Variants in SOX5 observed in about 807,000 individuals in gnomAD.
The protein encoded by SOX5 is transcription factor SOX-5.
Under a neutral mutation model 92.0 loss-of-function variants are expected in SOX5, and 9 were observed. The observed-to-expected ratio is 0.10, with a 90% CI of 0.06 to 0.17. The LOEUF is 0.17. Ranked by LOEUF, SOX5 falls within the 10% of genes least tolerant of loss-of-function variation. The pLI, the probability that SOX5 is intolerant of heterozygous loss-of-function variation, is 1.00. For missense variants in SOX5, 642 were observed against 944.5 expected (o/e 0.68, Z 4.20); for synonymous variants, 344 against 336.3 (o/e 1.02, Z -0.25).
intron 8 of SOX5, among the ~76,000 whole-genome samples, chr12:23,633,750 A>C (rs925024339): frequency 1.3e-4 from 20 of 152,262 alleles, no homozygotes; most frequent in African/African-American, 4.3e-4. Flanking sequence ...TATTGGCAGA[A>C]TAAGCCATGA....
chr12:24,338,035 T>A (rs1487735200), intron 2 of SOX5, among the ~76,000 whole-genome samples: 1 of 152,156 alleles, frequency 6.6e-6, no homozygotes, highest in African/African-American at 2.4e-5. Flanking sequence ...TTAAAATCAT[T>A]CAAGAAATGT....
chr12:24,211,165 T>TC (rs1958568173), intron 4 of SOX5, among the ~76,000 whole-genome samples: 1 of 152,206 alleles, frequency 6.6e-6, no homozygotes, highest in South Asian at 2.1e-4. Flanking sequence ...AATGTACCTC[T>TC]CTTCCCCCAC....
intron 4 of SOX5, among the ~76,000 whole-genome samples, chr12:24,114,846 G>A (rs1390279977): frequency 6.6e-6 from 1 of 151,892 alleles, no homozygotes; most frequent in Non-Finnish European, 1.5e-5. Flanking sequence ...TGGGGTGCGG[G>A]GATCCCTTGA....
intron 11 of SOX5, among the ~76,000 whole-genome samples, chr12:23,554,450 C>G (rs1321111625): frequency 6.6e-6 from 1 of 152,098 alleles, no homozygotes; most frequent in South Asian, 2.1e-4. Flanking sequence ...GGAATTCCCT[C>G]TCCATATTCC....
At chr12:24,416,029 G>C (rs1964957309) in intron 1 of SOX5, among the ~76,000 whole-genome samples, 1 of 152,196 alleles carries the variant, frequency 6.6e-6, no homozygotes, top group African/African-American at 2.4e-5. Flanking sequence ...TGAAATTCTT[G>C]GATCAGAAGG....
chr12:23,736,882 A>G (rs549703419), intron 5 of SOX5, among the ~76,000 whole-genome samples: 5 of 151,686 alleles, frequency 3.3e-5, no homozygotes, highest in Non-Finnish European at 5.9e-5. Flanking sequence ...TACTAGAGAC[A>G]CGGTTTCACC....
chr12:24,362,995 G>A (rs184118532), intron 2 of SOX5, among the ~76,000 whole-genome samples: 18 of 151,754 alleles, frequency 1.2e-4, no homozygotes, highest in Non-Finnish European at 2.4e-4. Flanking sequence ...TCACAGATAC[G>A]TAAAAACATG....
intron 3 of SOX5, among the ~76,000 whole-genome samples, chr12:23,788,888 A>C (rs1489803797): frequency 6.6e-6 from 1 of 152,046 alleles, no homozygotes; most frequent in African/African-American, 2.4e-5. Flanking sequence ...TAAGTACCAA[A>C]AAATTATACT....
intron 3 of SOX5, among the ~76,000 whole-genome samples, chr12:23,799,997 G>A (rs2095632829): frequency 6.6e-6 from 1 of 151,956 alleles, no homozygotes; most frequent in African/African-American, 2.4e-5. Flanking sequence ...AATAAAATAT[G>A]TCATTGGCTC....
chr12:24,068,290 T>C (rs1941125102), intron 4 of SOX5, among the ~76,000 whole-genome samples: 1 of 152,182 alleles, frequency 6.6e-6, no homozygotes, highest in Non-Finnish European at 1.5e-5. Context: ...ATACACAGCA[T>C]AGTTGGAAAT....
chr12:24,394,925 C>A (rs1959515425), intron 1 of SOX5, among the ~76,000 whole-genome samples: 1 of 152,118 alleles, frequency 6.6e-6, no homozygotes, highest in African/African-American at 2.4e-5. Context: ...TACGCCTTTT[C>A]ACTACATGGT....
chr12:24,178,463 T>C (rs1372688230), intron 4 of SOX5, among the ~76,000 whole-genome samples: 2 of 152,186 alleles, frequency 1.3e-5, no homozygotes, highest in Non-Finnish European at 2.9e-5. Context: ...ATACTCAGCT[T>C]CTGCCTGGAG....
At chr12:23,564,112 T>C (rs1240142456) in intron 10 of SOX5, among the ~76,000 whole-genome samples, 2 of 152,196 alleles carry the variant, frequency 1.3e-5, no homozygotes, top group Admixed American at 1.3e-4. Flanking sequence ...CTTAATAAGA[T>C]GGCCAAATGA....
intron 4 of SOX5, among the ~76,000 whole-genome samples, chr12:23,746,781 AC>A (rs2093998518): frequency 6.6e-6 from 1 of 152,036 alleles, no homozygotes; most frequent in Non-Finnish European, 1.5e-5. Flanking sequence ...CTGTGTCCCC[AC>A]CCAAATCTCA....
chr12:24,508,661 T>C (rs1218937884), intron 1 of SOX5, among the ~76,000 whole-genome samples: 7 of 152,160 alleles, frequency 4.6e-5, no homozygotes, highest in African/African-American at 1.7e-4. Context: ...ATTCACGCTG[T>C]GGTCCAGGGC....
chr12:24,224,015 A>G (rs1961232695), intron 3 of SOX5, among the ~76,000 whole-genome samples: 1 of 152,244 alleles, frequency 6.6e-6, no homozygotes. Context: ...TAAAGTGGAA[A>G]GGAAAGAGAT....
At chr12:23,955,712 C>T (rs80251124), upstream of SOX5, among the ~76,000 whole-genome samples, 843 of 152,000 alleles carry the variant, frequency 5.5e-3, 4 homozygotes, top group Non-Finnish European at 7.5e-3. Flanking sequence ...AACTCAATCA[C>T]CCTCGTGGTA....
At chr12:23,667,080 G>A (rs1236639682) in intron 6 of SOX5, among the ~76,000 whole-genome samples, 1 of 152,030 alleles carries the variant, frequency 6.6e-6, no homozygotes. Context: ...AGAGGGAGAA[G>A]GGGAGGAGAG....
chr12:23,659,847 G>C (rs1009496201), intron 7 of SOX5, among the ~76,000 whole-genome samples: 1 of 151,990 alleles, frequency 6.6e-6, no homozygotes, highest in African/African-American at 2.4e-5. Flanking sequence ...CATGCCTGTA[G>C]TCCCAGCTAC....
Sources: gnomAD v4.1 joint callset for allele counts (sites outside exome capture counted in the v4.1 genomes callset) on GRCh38, gnomAD v4.1.1 for gene constraint, MANE v1.5 for transcripts, NCBI Gene and HGNC (gene_info 2026-07-23, HGNC 2026-07-21) for gene names.